Variants in CSPP1 observed in about 807,000 individuals in gnomAD.
CSPP1 encodes centrosome and spindle pole associated protein 1.
In CSPP1, 126 loss-of-function variants were observed where a neutral mutation model predicts 164.4. The observed-to-expected ratio is 0.77, with a 90% confidence interval of 0.66 to 0.89. The LOEUF (loss-of-function observed/expected upper bound fraction) is 0.89. CSPP1 is among the 40% of genes least tolerant of loss of function. The pLI, the probability that CSPP1 is intolerant of heterozygous loss-of-function variation, is 0.00. For missense variants in CSPP1, 1,395 were observed against 1,449.8 expected (o/e 0.96, Z 0.61); for synonymous variants, 472 against 476.7 (o/e 0.99, Z 0.13).
Position 67,177,788 on chromosome 8 carries a change from T to C in CSPP1, c.3156+62T>C, listed in dbSNP as rs1832045210. The C allele has an allele frequency of 3.5e-6, 4 of 1,127,736 alleles. No homozygotes were observed. The African/African-American group carries it at 4.6e-5, about 13-fold the overall frequency. The allele number at this position is 1,127,736 out of a possible 1,614,324, so 69.9% of individuals were successfully genotyped here. ...GGGGGATTAAAAATCTTTAGGCATA[T>C]GATGATCAAGTAATTCAAATTTTGA... On this transcript the variant is annotated intron_variant, in intron 27 of 30. Coordinates refer to ENST00000678616, the MANE Select transcript of CSPP1 (RefSeq NM_001382391.1).
chr8:67,160,394 G>A (rs1443546405), intron 21 of CSPP1, among the ~76,000 whole-genome samples: 1 of 151,408 alleles, frequency 6.6e-6, no homozygotes, highest in African/African-American at 2.4e-5. Context: ...GAACTTGGGA[G>A]GCGGAGGTTG....
chr8:67,143,237 C>T (rs1823858865), intron 17 of CSPP1, among the ~76,000 whole-genome samples: 1 of 151,824 alleles, frequency 6.6e-6, no homozygotes, highest in Non-Finnish European at 1.5e-5. Flanking sequence ...ATCCTTTTGC[C>T]CGTATCAGAG....
Position 67,076,595 on chromosome 8 carries a change from T to C in CSPP1, c.199+14T>C. 7.0e-7 allele frequency: 1 copy of C among 1,420,970 alleles called. No individual in the cohort carries two copies. Among genetic ancestry groups the C allele is most frequent in the South Asian group, 1.2e-5 (1 of 80,256 alleles). 88.0% of individuals were successfully genotyped at this position (1,420,970 alleles called of 1,614,324 possible). ...GGGGTTCCTTAGGTATGTCATTAGA[T>C]GTGCTAAACTTATTTTAAGATATCC... is the stretch of plus-strand genomic sequence containing the variant. On this transcript the variant is annotated intron_variant, in intron 3 of 30. Coordinates refer to ENST00000678616, the MANE Select transcript of CSPP1 (RefSeq NM_001382391.1).
At position 67,185,302 on chromosome 8, in the gene CSPP1, C is replaced by T. The variant is rs186421820; in HGVS notation, c.3221-5348C>T. Among the ~76,000 whole-genome samples the T allele has an allele frequency of 4.4e-3, 676 of 152,194 alleles. 9 individuals are homozygous for T. Among genetic ancestry groups the T allele is most frequent in the African/African-American group, 0.015 (641 of 41,524 alleles). On this transcript the variant is annotated intron_variant, in intron 28 of 30. Coordinates refer to ENST00000678616, the MANE Select transcript of CSPP1 (RefSeq NM_001382391.1). ...CCCTGAGGCCCCAGAACTATCTTTTCGGTTGTGAACTAAAGGCCGACAAAG... is the reference window on the plus strand; with the variant it reads ...CCCTGAGGCCCCAGAACTATCTTTTTGGTTGTGAACTAAAGGCCGACAAAG...
At chr8:67,137,415 A>G (rs371043157) in intron 16 of CSPP1, 41 bp from the exon 17 acceptor site, 5 of 1,322,458 alleles carry the variant, frequency 3.8e-6, no homozygotes, top group African/African-American at 1.5e-5. Flanking sequence ...GTATCAGAAT[A>G]CTTGTCAGCG....
chr8:67,159,924 C>T (rs868590656), intron 21 of CSPP1, among the ~76,000 whole-genome samples: 25 of 45,580 alleles, frequency 5.5e-4, no homozygotes, highest in African/African-American at 9.0e-4. Context: ...TTCTTTCTTT[C>T]CTTTCCTTCC....
chr8:67,114,059 A>G lies in CSPP1; in HGVS notation c.1245+197A>G, dbSNP rs7833956. On this transcript the variant is annotated intron_variant, in intron 11 of 30. Coordinates refer to ENST00000678616, the MANE Select transcript of CSPP1 (RefSeq NM_001382391.1). The stretch of plus-strand genomic sequence containing the variant: ...TCCTTGAGGTAATTTTTCCTTTTTC[A>G]TTTGTGTGTCATTTTTTTAAAGTTT... 0.026 allele frequency: 10,953 copies of G among 425,070 alleles called. 370 individuals are homozygous for G. Among genetic ancestry groups the G allele is most frequent in the African/African-American group, 0.082 (4,012 of 48,980 alleles). 26.3% of individuals were successfully genotyped at this position (425,070 alleles called of 1,614,324 possible).
chr8:67,185,978 G>T (rs1261733544), intron 28 of CSPP1, among the ~76,000 whole-genome samples: 1 of 152,176 alleles, frequency 6.6e-6, no homozygotes, highest in African/African-American at 2.4e-5. Flanking sequence ...AAAAATGCAA[G>T]CAAGTATAGG....
At chr8:67,167,373 G>A (rs796918135) in intron 24 of CSPP1, among the ~76,000 whole-genome samples, 4 of 114,690 alleles carry the variant, frequency 3.5e-5, no homozygotes, top group East Asian at 3.0e-4. Context: ...CCACCCGGAC[G>A]GGGCAGCTGG....
rs1818423846 is a variant in CSPP1, at chr8:67,118,771, T to C, written c.1647T>C (p.Pro549=). 3.7e-6 allele frequency: 6 copies of C among 1,612,662 alleles called. No homozygotes were observed. Among genetic ancestry groups the C allele is most frequent in the Non-Finnish European group, 5.1e-6 (6 of 1,178,918 alleles). ...GTTCAGGAATGATGGGCGTACAGCC[T>C]GCAGCTTATGTTAGTGCTCCTGTCA... ...YYGSGMMGVQ[P]AAYVSAPVTH... is the part of the protein sequence containing the mutation. Residue 549 remains proline (P), a synonymous_variant, in exon 15 of 31, where the codon CCT becomes CCC. Coordinates refer to ENST00000678616, the MANE Select transcript of CSPP1 (RefSeq NM_001382391.1).
rs192603906 is a variant in CSPP1 at position 67,086,892 on chromosome 8, T to C, written c.303+782T>C. ...TCCTCCTTCAGTTTTTTCTTTCTTT[T>C]TTTTTTTTTTTACGATCTAGAAGGT... On this transcript the variant is annotated intron_variant, in intron 4 of 30. Coordinates refer to ENST00000678616, the MANE Select transcript of CSPP1 (RefSeq NM_001382391.1). 269 of 1,117,230 alleles carry C rather than the reference T, an allele frequency of 2.4e-4. No homozygotes were observed. The African/African-American group carries it at 2.5e-3, about 10-fold the overall frequency. 69.2% of individuals were successfully genotyped at this position (1,117,230 alleles called of 1,614,324 possible). A position where few individuals can be genotyped will look rare whatever the true frequency, so the allele number is the denominator to read the frequency against.
rs141759019 is a variant in CSPP1, at chr8:67,135,227, G to A, written c.1828-2229G>A. 8.5e-5 allele frequency: 13 copies of A among 152,336 alleles called. No homozygotes were observed. In the East Asian group the frequency reaches 2.5e-3, roughly 29 times the overall value. The allele number at this position is 152,336 out of a possible 1,614,324, so 9.4% of individuals were successfully genotyped here. A position where few individuals can be genotyped will look rare whatever the true frequency, so the allele number is the denominator to read the frequency against. On this transcript the variant is annotated intron_variant, in intron 16 of 30. Coordinates refer to ENST00000678616, the MANE Select transcript of CSPP1 (RefSeq NM_001382391.1). ...GTTGCCCAGCCTAGGCTGGAGTACAGTGGCACGATCTCGGCTCACTGCAAC... is the reference window on the plus strand; with the variant it reads ...GTTGCCCAGCCTAGGCTGGAGTACAATGGCACGATCTCGGCTCACTGCAAC...
chr8:67,195,540 C>T lies in CSPP1; in HGVS notation c.3628C>T (p.Pro1210Ser). The T allele has an allele frequency of 1.2e-6, 2 of 1,614,176 alleles. No individual in the cohort carries two copies. The highest frequency in any genetic ancestry group is 1.7e-6 in the Non-Finnish European group (2 of 1,180,038). ...EQLNQEQQQIPGKPGTFTWQG... is the reference protein window; with the variant it reads ...EQLNQEQQQISGKPGTFTWQG... ...GCTGAACCAGGAGCAGCAGCAGATT[C>T]CTGGAAAACCAGGCACTTTCACTTG... The change falls in exon 31 of 31, where the codon CCT (proline) becomes TCT (serine). Residue 1210 changes from proline (P) to serine (S), a missense_variant. By Grantham distance (74) the Pro-to-Ser change is moderately conservative (BLOSUM62 -1). Coordinates refer to ENST00000678616, the MANE Select transcript of CSPP1 (RefSeq NM_001382391.1).
chr8:67,095,862 C>G, intron 7 of CSPP1, 130 bp downstream of exon 7: 1 of 618,088 alleles, frequency 1.6e-6, no homozygotes, highest in Non-Finnish European at 2.8e-6. Context: ...TTCTAAGATG[C>G]TGTCAGTTTT....
chr8:67,150,623 G>A (rs1013766091), intron 18 of CSPP1, among the ~76,000 whole-genome samples: 4 of 152,042 alleles, frequency 2.6e-5, no homozygotes, highest in African/African-American at 9.7e-5. Flanking sequence ...GGCTGGTCTC[G>A]AACTTCTGAC....
intron 6 of CSPP1, among the ~76,000 whole-genome samples, chr8:67,093,970 A>G (rs1159812375): frequency 2.0e-5 from 3 of 151,538 alleles, no homozygotes; most frequent in Non-Finnish European, 4.4e-5. Context: ...TTAAGGATCA[A>G]TTAGCCGGAC....
At chr8:67,188,071 C>T (rs781263468) in intron 28 of CSPP1, among the ~76,000 whole-genome samples, 2 of 152,144 alleles carry the variant, frequency 1.3e-5, no homozygotes, top group Non-Finnish European at 2.9e-5. Flanking sequence ...CTATAAAAGA[C>T]ACTGTTAATT....
chr8:67,066,208 C>G lies in CSPP1; in HGVS notation c.-11+1670C>G, dbSNP rs544205623. Among the ~76,000 whole-genome samples the G allele has an allele frequency of 2.6e-5, 4 of 152,294 alleles. No homozygotes were observed. In the East Asian group the frequency reaches 5.8e-4, roughly 22 times the overall value. On this transcript the variant is annotated intron_variant, in intron 1 of 30. Coordinates refer to ENST00000678616, the MANE Select transcript of CSPP1 (RefSeq NM_001382391.1). The stretch of plus-strand genomic sequence containing the variant: ...GTATCCTGTCTCCCAGCCTCCCTCT[C>G]TTTCCCCCAGCAACAGTATTTACAT...
intron 28 of CSPP1, among the ~76,000 whole-genome samples, chr8:67,181,578 G>A (rs774564383): frequency 2.0e-4 from 30 of 152,056 alleles, no homozygotes; most frequent in Non-Finnish European, 4.1e-4. Flanking sequence ...TGCAAATGCT[G>A]CATAAGTAAG....
Sources: allele counts gnomAD v4.1 joint callset (sites outside exome capture counted in the v4.1 genomes callset), GRCh38; gene constraint gnomAD v4.1.1; transcripts MANE v1.5; gene names NCBI Gene and HGNC (gene_info 2026-07-23, HGNC 2026-07-21).